Variants in IL1RAPL1 observed in about 807,000 individuals in gnomAD.
IL1RAPL1 encodes the protein interleukin 1 receptor accessory protein like 1.
Under a neutral mutation model 48.4 loss-of-function variants are expected in IL1RAPL1, and 3 were observed. The observed-to-expected ratio is 0.06, with a 90% CI of 0.03 to 0.16. The LOEUF is 0.16. Among genes scored for constraint, IL1RAPL1 ranks in the 10% least tolerant of loss-of-function variants. The pLI, the probability that IL1RAPL1 is intolerant of heterozygous loss-of-function variation, is 1.00. For synonymous variants in IL1RAPL1, 185 were observed against 187.7 expected, an observed-to-expected ratio of 0.99 and a Z score of 0.12; for missense variants, 349 against 530.6, an observed-to-expected ratio of 0.66 and a Z score of 3.36.
At chrX:29,542,815 C>T (rs1199818041) in intron 5 of IL1RAPL1, among the ~76,000 whole-genome samples, 2 of 112,049 alleles carry the variant, frequency 1.8e-5, no homozygotes, top group East Asian at 5.6e-4. Context: ...TTTCAGTTAA[C>T]ATAATACAGA....
chrX:29,632,664 G>A (rs1395352671), intron 5 of IL1RAPL1, among the ~76,000 whole-genome samples: 1 of 112,076 alleles, frequency 8.9e-6, no homozygotes, highest in Admixed American at 9.5e-5. Flanking sequence ...TGTCATCTGT[G>A]TAGGCAAGGA....
chrX:28,845,597 A>G (rs994373910), intron 2 of IL1RAPL1, among the ~76,000 whole-genome samples: 4 of 111,442 alleles, frequency 3.6e-5, no homozygotes, highest in African/African-American at 1.3e-4. Context: ...TGAAACATCA[A>G]CTGAGTGCTT....
At chrX:29,749,725 G>T (rs1344084144) in intron 6 of IL1RAPL1, among the ~76,000 whole-genome samples, 1 of 112,145 alleles carries the variant, frequency 8.9e-6, no homozygotes, top group Non-Finnish European at 1.9e-5. Flanking sequence ...ACAATGTTTA[G>T]GAAGTGTCGT....
At chrX:28,947,761 T>G in intron 2 of IL1RAPL1, among the ~76,000 whole-genome samples, 1 of 111,939 alleles carries the variant, frequency 8.9e-6, no homozygotes, top group Non-Finnish European at 1.9e-5. Context: ...AAACAAGTAG[T>G]TATATGTACT....
intron 3 of IL1RAPL1, among the ~76,000 whole-genome samples, chrX:29,347,238 T>C (rs1024543172): frequency 2.7e-5 from 3 of 111,409 alleles, no homozygotes; most frequent in African/African-American, 6.5e-5. Flanking sequence ...AGAACTTATA[T>C]ACTGTGGCTG....
chrX:28,709,830 T>C (rs1249436986), intron 1 of IL1RAPL1, among the ~76,000 whole-genome samples: 2 of 111,502 alleles, frequency 1.8e-5, no homozygotes, highest in Non-Finnish European at 3.8e-5. Flanking sequence ...CCTTAAAATT[T>C]AAAAAGTACA....
At chrX:29,411,442 T>C (rs1337132217) in intron 5 of IL1RAPL1, among the ~76,000 whole-genome samples, 2 of 112,104 alleles carry the variant, frequency 1.8e-5, no homozygotes, top group Non-Finnish European at 1.9e-5. Flanking sequence ...GGCTGCCCTA[T>C]TGCTGTTGTT....
At chrX:29,413,419 A>G (rs1337297080) in intron 5 of IL1RAPL1, among the ~76,000 whole-genome samples, 2 of 110,368 alleles carry the variant, frequency 1.8e-5, no homozygotes, top group East Asian at 2.8e-4. Context: ...TTTGTTACAT[A>G]TGTATACATG....
At chrX:29,627,578 C>T (rs968794428) in intron 5 of IL1RAPL1, among the ~76,000 whole-genome samples, 25 of 111,818 alleles carry the variant, frequency 2.2e-4, no homozygotes, top group African/African-American at 7.8e-4. Flanking sequence ...TTTCGTCTCA[C>T]GTATATTCAT....
At chrX:29,789,675 G>A (rs1031389154) in intron 6 of IL1RAPL1, among the ~76,000 whole-genome samples, 6 of 109,570 alleles carry the variant, frequency 5.5e-5, no homozygotes, top group Admixed American at 4.9e-4. Context: ...AATAGAGTTT[G>A]CATCTGATAT....
intron 2 of IL1RAPL1, among the ~76,000 whole-genome samples, chrX:29,082,291 A>G (rs1455738244): frequency 8.9e-6 from 1 of 112,259 alleles, no homozygotes; most frequent in Non-Finnish European, 1.9e-5. Context: ...TTTGACTTTT[A>G]CCACAATATT....
At chrX:28,966,394 A>G (rs932116794) in intron 2 of IL1RAPL1, among the ~76,000 whole-genome samples, 1 of 112,107 alleles carries the variant, frequency 8.9e-6, no homozygotes, top group African/African-American at 3.2e-5. Flanking sequence ...ACAGGGAAGA[A>G]GGGTGACTGT....
At chrX:29,389,982 A>G (rs1933834248) in intron 3 of IL1RAPL1, among the ~76,000 whole-genome samples, 2 of 112,254 alleles carry the variant, frequency 1.8e-5, no homozygotes, top group Non-Finnish European at 1.9e-5. Flanking sequence ...GTGTTTAAGA[A>G]AGATAAGATA....
chrX:29,236,847 G>C (rs764587485), intron 2 of IL1RAPL1, among the ~76,000 whole-genome samples: 8 of 109,001 alleles, frequency 7.3e-5, no homozygotes, highest in Admixed American at 4.0e-4. Context: ...GGGATTACAG[G>C]CATGAGCCAC....
chrX:28,730,877 T>A (rs1935746482), intron 1 of IL1RAPL1, among the ~76,000 whole-genome samples: 1 of 111,822 alleles, frequency 8.9e-6, no homozygotes, highest in Non-Finnish European at 1.9e-5. Flanking sequence ...ATTACAGAAG[T>A]GTAAATTTGA....
intron 2 of IL1RAPL1, among the ~76,000 whole-genome samples, chrX:28,993,899 A>G (rs1925669688): frequency 8.9e-6 from 1 of 111,775 alleles, no homozygotes; most frequent in South Asian, 3.7e-4. Flanking sequence ...GCTCTTCTAA[A>G]TTTTATATCC....
chrX:29,202,451 C>G (rs1297238860), intron 2 of IL1RAPL1, among the ~76,000 whole-genome samples: 1 of 112,239 alleles, frequency 8.9e-6, no homozygotes. Context: ...AGTAGTTTGG[C>G]TGTTTCTCAA....
chrX:29,750,566 G>A (rs755507130), intron 6 of IL1RAPL1, among the ~76,000 whole-genome samples: 1 of 111,763 alleles, frequency 8.9e-6, no homozygotes, highest in African/African-American at 3.2e-5. Flanking sequence ...AACTTGCAAA[G>A]GAATACACCA....
intron 1 of IL1RAPL1, among the ~76,000 whole-genome samples, chrX:28,777,435 C>A (rs1936372453): frequency 1.8e-5 from 2 of 111,962 alleles, no homozygotes; most frequent in South Asian, 7.4e-4. Context: ...TCTTTGCAAG[C>A]CATTATTCTG....
Sources: allele counts gnomAD v4.1 joint callset (sites outside exome capture counted in the v4.1 genomes callset), GRCh38; gene constraint gnomAD v4.1.1; transcripts MANE v1.5; gene names NCBI Gene and HGNC (gene_info 2026-07-23, HGNC 2026-07-21).